The following COL4A6 variants were observed in gnomAD, a reference collection of about 807,000 sequenced individuals.
The protein encoded by COL4A6 is collagen alpha-6(IV) chain.
Under a neutral mutation model 126.7 loss-of-function variants are expected in COL4A6, and 59 were observed. That is an observed-to-expected ratio of 0.47 (90% CI 0.38 to 0.58). The LOEUF (loss-of-function observed/expected upper bound fraction) is 0.58, where lower values mean the gene tolerates loss of function less well. Among genes scored for constraint, COL4A6 ranks in the 20% least tolerant of loss-of-function variants. The probability of loss-of-function intolerance (pLI) is 0.00; values close to 1 mark genes in which losing one functional copy is unlikely to be tolerated. For synonymous variants in COL4A6, 547 were observed against 496.6 expected (o/e 1.10, Z -1.35); for missense variants, 1,285 against 1,337.3 (o/e 0.96, Z 0.61).
At chrX:108,404,722 A>G (rs2041167929) in intron 2 of COL4A6, among the ~76,000 whole-genome samples, 1 of 111,685 alleles carries the variant, frequency 9.0e-6, no homozygotes, top group Non-Finnish European at 1.9e-5. Flanking sequence ...GCATCTCCTA[A>G]CAAATATGTA....
chrX:108,207,461 G>A (rs1479168093), intron 8 of COL4A6, among the ~76,000 whole-genome samples: 4 of 111,159 alleles, frequency 3.6e-5, no homozygotes, highest in African/African-American at 9.8e-5. Flanking sequence ...AAACCTACAC[G>A]TCCTGTGCAT....
At chrX:108,287,023 T>C (rs754246148) in intron 3 of COL4A6, among the ~76,000 whole-genome samples, 1 of 111,588 alleles carries the variant, frequency 9.0e-6, no homozygotes, top group Admixed American at 9.5e-5. Flanking sequence ...AGAAAGAAGA[T>C]AGAAGTAGTC....
At chrX:108,267,752 C>T (rs1287528047) in intron 3 of COL4A6, 1 of 112,717 alleles carries the variant, frequency 8.9e-6, no homozygotes, top group African/African-American at 3.2e-5. Flanking sequence ...CGTGAGGCCA[C>T]ACCCTGGGAT....
At chrX:108,175,892 G>T in intron 28 of COL4A6, 95 bp from the exon 29 acceptor site, 1 of 707,999 alleles carries the variant, frequency 1.4e-6, no homozygotes, top group Non-Finnish European at 2.1e-6. Flanking sequence ...AAGTCATACA[G>T]CAAGGAAGTT....
At chrX:108,413,669 G>T (rs998493546) in intron 2 of COL4A6, among the ~76,000 whole-genome samples, 4 of 111,314 alleles carry the variant, frequency 3.6e-5, no homozygotes, top group Non-Finnish European at 7.5e-5. Flanking sequence ...CGTGTTAGCA[G>T]TATTCAGTCA....
intron 2 of COL4A6, among the ~76,000 whole-genome samples, chrX:108,313,580 C>T (rs2038813239): frequency 9.0e-6 from 1 of 110,774 alleles, no homozygotes; most frequent in African/African-American, 3.3e-5. Context: ...TATACATGTG[C>T]CATGTTGGTG....
chrX:108,391,300 C>T (rs1304702493), intron 2 of COL4A6, among the ~76,000 whole-genome samples: 1 of 111,777 alleles, frequency 8.9e-6, no homozygotes, highest in East Asian at 2.8e-4. Context: ...CCCACAGCTG[C>T]CCCTTCCCCC....
chrX:108,259,693 T>TA (rs982871483), intron 3 of COL4A6, among the ~76,000 whole-genome samples: 4 of 111,872 alleles, frequency 3.6e-5, no homozygotes, highest in African/African-American at 1.3e-4. Flanking sequence ...ATTGTGTTTT[T>TA]ATCTCTTACA....
Position 108,217,014 on chromosome X carries a change from G to T in COL4A6, c.324+2684C>A, listed in dbSNP as rs185410464. On this transcript the variant is annotated intron_variant, in intron 5 of 44. Transcript: ENST00000334504. The stretch of plus-strand genomic sequence containing the variant: ...GCCAACAGGCCCAACTCACAGCTGG[G>T]ATATCATTAAAAGCCACAGCCCTAC... Among the ~76,000 whole-genome samples the T allele has an allele frequency of 4.2e-4, 47 of 112,328 alleles. 1 individual carries two copies. The East Asian group carries it at 8.4e-3, about 20-fold the overall frequency.
intron 3 of COL4A6, among the ~76,000 whole-genome samples, chrX:108,283,138 A>G (rs758182231): frequency 1.8e-5 from 2 of 109,619 alleles, no homozygotes; most frequent in Admixed American, 9.8e-5. Flanking sequence ...CCTAAAACTT[A>G]AAGTATAATA....
chrX:108,305,951 G>T (rs1005035454), intron 3 of COL4A6, among the ~76,000 whole-genome samples: 47 of 112,178 alleles, frequency 4.2e-4, no homozygotes, highest in African/African-American at 1.3e-3. Context: ...AAACTAAGAA[G>T]AAAGATCTGA....
intron 3 of COL4A6, among the ~76,000 whole-genome samples, chrX:108,234,427 C>A (rs1325416546): frequency 8.9e-6 from 1 of 112,122 alleles, no homozygotes; most frequent in Non-Finnish European, 1.9e-5. Flanking sequence ...GCACCCTTAG[C>A]AATCAATTAC....
intron 2 of COL4A6, among the ~76,000 whole-genome samples, chrX:108,406,248 G>C (rs1367046457): frequency 8.9e-6 from 1 of 112,021 alleles, no homozygotes; most frequent in East Asian, 2.8e-4. Context: ...TGGGATTATA[G>C]GTGTGAGCCA....
chrX:108,318,847 C>G (rs1569423342), intron 2 of COL4A6, among the ~76,000 whole-genome samples: 1 of 112,664 alleles, frequency 8.9e-6, no homozygotes, highest in Non-Finnish European at 1.9e-5. Context: ...AGCAGCTCCT[C>G]TTAGTGGCCT....
chrX:108,382,963 A>AATAATAATAATC (rs2040592674), intron 2 of COL4A6, among the ~76,000 whole-genome samples: 3 of 9,215 alleles, frequency 3.3e-4, no homozygotes, highest in Non-Finnish European at 3.3e-4. Flanking sequence ...CCCCGCCAAA[A>AATAATAATAATC]ATAATAATAA....
chrX:108,203,129 C>A (rs2035435924), intron 12 of COL4A6, 148 bp from the exon 13 acceptor site: 2 of 483,990 alleles, frequency 4.1e-6, no homozygotes, highest in East Asian at 7.1e-5. Flanking sequence ...ATTCCCCAGG[C>A]TCCCTAACTA....
intron 3 of COL4A6, among the ~76,000 whole-genome samples, chrX:108,298,144 G>A (rs915986066): frequency 9.0e-6 from 1 of 111,710 alleles, no homozygotes; most frequent in Non-Finnish European, 1.9e-5. Flanking sequence ...TGAGTCTAGC[G>A]CTCTCCCTTT....
At chrX:108,308,681 T>C (rs1007297027) in intron 3 of COL4A6, among the ~76,000 whole-genome samples, 1 of 112,195 alleles carries the variant, frequency 8.9e-6, no homozygotes, top group Middle Eastern at 4.2e-3. Context: ...GGCAAGGGTG[T>C]AGAAAGATGG....
intron 3 of COL4A6, among the ~76,000 whole-genome samples, chrX:108,233,858 A>G (rs1338901409): frequency 1.8e-5 from 2 of 112,163 alleles, no homozygotes; most frequent in East Asian, 5.6e-4. Context: ...AGTAGTCCCT[A>G]TGGACTAGTA....
Sources: gnomAD v4.1 joint callset for allele counts (sites outside exome capture counted in the v4.1 genomes callset) on GRCh38, gnomAD v4.1.1 for gene constraint, MANE v1.5 for transcripts, NCBI Gene and HGNC (gene_info 2026-07-23, HGNC 2026-07-21) for gene names.